The following DYSF variants were observed in gnomAD, a reference collection of about 807,000 sequenced individuals.
DYSF encodes dysferlin.
A neutral mutation model predicts 274.9 loss-of-function variants in DYSF; 212 were observed. The ratio of observed to expected loss-of-function variants is 0.77; its 90% CI spans 0.69 to 0.86. The LOEUF (loss-of-function observed/expected upper bound fraction) is 0.86. DYSF is among the 40% of genes least tolerant of loss of function. DYSF has a pLI of 0.00. For missense variants in DYSF, 2,666 were observed against 2,783.2 expected, an observed-to-expected ratio of 0.96 and a Z score of 0.95; for synonymous variants, 1,091 against 1,078.7, an observed-to-expected ratio of 1.01 and a Z score of -0.22.
At chr2:71,668,415 G>A (rs1177162292) in intron 48 of DYSF, among the ~76,000 whole-genome samples, 1 of 152,148 alleles carries the variant, frequency 6.6e-6, no homozygotes, top group African/African-American at 2.4e-5. Flanking sequence ...TCCTGCCATG[G>A]AAGCCTTCTG....
In DYSF at chr2:71,556,049, G is replaced by A. The variant is rs773783407; in HGVS notation, c.2194G>A (p.Asp732Asn). Residue 732 changes from aspartate (D) to asparagine (N), a missense_variant, in exon 22 of 56, where the codon GAT becomes AAT. By Grantham distance (23) the Asp-to-Asn change is conservative. Transcript: ENST00000410020. ...GGACTCGCTGGTGGCTCAGCTGACG[G>A]ATGAGCTCATCGCAGGCTGCAGGTA... ...DVDSLVAQLT[D>N]ELIAGCSQPL... is the part of the protein sequence containing the mutation. 10 of 1,575,996 alleles carry A rather than the reference G, an allele frequency of 6.3e-6. No individual in the cohort carries two copies. The East Asian group carries it at 2.1e-4, about 33-fold the overall frequency.
chr2:71,484,545 T>C (rs1410990168), intron 3 of DYSF, among the ~76,000 whole-genome samples: 1 of 152,208 alleles, frequency 6.6e-6, no homozygotes, highest in Non-Finnish European at 1.5e-5. Context: ...TTAGTTGTTT[T>C]AAAATATACA....
chr2:71,669,103 T>C lies in DYSF; in HGVS notation c.5547-9T>C, dbSNP rs1440776017. ...AATCTAGGTGGATTAGAGTGATACC[T>C]TTCCCCAGGTTTTTCCTGCGTTGTA... is the stretch of plus-strand genomic sequence containing the variant. On this transcript the variant is annotated splice_polypyrimidine_tract_variant and intron_variant, in intron 49 of 55. Transcript: ENST00000410020. 1 of 1,585,854 alleles carries C rather than the reference T, an allele frequency of 6.3e-7. No individual in the cohort carries two copies. The highest frequency in any genetic ancestry group is 8.6e-7 in the Non-Finnish European group (1 of 1,164,430).
chr2:71,482,777 C>T (rs1406981479), intron 3 of DYSF, among the ~76,000 whole-genome samples: 1 of 152,072 alleles, frequency 6.6e-6, no homozygotes, highest in Admixed American at 6.5e-5. Flanking sequence ...TCCGGTTGTC[C>T]CTGCTGGGCA....
chr2:71,506,241 GCC>G (rs1411467124), intron 4 of DYSF, among the ~76,000 whole-genome samples: 2 of 152,188 alleles, frequency 1.3e-5, no homozygotes, highest in Non-Finnish European at 2.9e-5. Flanking sequence ...GGACCCCAGA[GCC>G]TGACCACATA....
intron 4 of DYSF, among the ~76,000 whole-genome samples, chr2:71,504,445 C>T (rs562652175): frequency 1.4e-4 from 21 of 152,298 alleles, no homozygotes; most frequent in African/African-American, 5.1e-4. Context: ...GCAGTATTCA[C>T]TGAGCCTGTC....
chr2:71,520,330 C>A, intron 11 of DYSF, 122 bp downstream of exon 11: 2 of 1,125,720 alleles, frequency 1.8e-6, no homozygotes, highest in Non-Finnish European at 1.4e-6. Context: ...AGGGTTTGAT[C>A]TTGGGAGAGA....
At chr2:71,483,544 C>T (rs1266283940) in intron 3 of DYSF, among the ~76,000 whole-genome samples, 5 of 152,128 alleles carry the variant, frequency 3.3e-5, no homozygotes, top group South Asian at 2.1e-4. Flanking sequence ...TCTCACGACA[C>T]GTGCGGCCCT....
chr2:71,563,530 T>A (rs1047403954), intron 23 of DYSF, among the ~76,000 whole-genome samples: 17 of 152,162 alleles, frequency 1.1e-4, no homozygotes, highest in Non-Finnish European at 1.8e-4. Flanking sequence ...TAGTCACCAT[T>A]TTCAGAGTCC....
Position 71,568,185 on chromosome 2 carries a change from C to G in DYSF, c.2711C>G (p.Thr904Ser), listed in dbSNP as rs372306918. 5 of 1,614,136 alleles carry G rather than the reference C, an allele frequency of 3.1e-6. No homozygotes were observed. The highest frequency in any genetic ancestry group is 3.4e-6 in the Non-Finnish European group (4 of 1,180,058). The change falls in exon 26 of 56, where the codon ACT becomes AGT. Residue 904 changes from threonine to serine, a missense_variant. This residue lies in a region of DYSF where 412 missense variants were observed against 504.0 expected (regional missense o/e 0.82). Coordinates refer to ENST00000410020, the MANE Select transcript of DYSF (RefSeq NM_001130987.2). ...SVFAETYENETKLALVGNWGT... is the reference protein window; with the variant it reads ...SVFAETYENESKLALVGNWGT... ...CTGGCCCTCCAGTATGAGAACGAGACTAAGTTGGCCCTTGTTGGGAACTGG... is the reference window on the plus strand; with the variant it reads ...CTGGCCCTCCAGTATGAGAACGAGAGTAAGTTGGCCCTTGTTGGGAACTGG...
chr2:71,636,646 G>A (rs1176845134), intron 41 of DYSF, among the ~76,000 whole-genome samples: 1 of 152,152 alleles, frequency 6.6e-6, no homozygotes, highest in Non-Finnish European at 1.5e-5. Context: ...TGTCACATGG[G>A]CAGCTGGAGT....
chr2:71,585,466 G>C (rs990624943), intron 30 of DYSF, among the ~76,000 whole-genome samples: 1 of 152,174 alleles, frequency 6.6e-6, no homozygotes, highest in Admixed American at 6.5e-5. Flanking sequence ...TGACGGGAGG[G>C]AGATGCTTCC....
Position 71,664,299 on chromosome 2 carries a change from G to A in DYSF, c.5035G>A (p.Glu1679Lys). 1 of 1,614,164 alleles carries A rather than the reference G, an allele frequency of 6.2e-7. No individual in the cohort carries two copies. Among genetic ancestry groups the A allele is most frequent in the Non-Finnish European group, 8.5e-7 (1 of 1,180,024 alleles). Residue 1679 changes from glutamate (E) to lysine (K), a missense_variant, in exon 46 of 56, where the codon GAG becomes AAG. Glu to Lys is a moderately conservative substitution (Grantham distance 56). This residue lies in a region of DYSF where 1,460 missense variants were observed against 1,502.1 expected (regional missense o/e 0.97). Coordinates refer to ENST00000410020, the MANE Select transcript of DYSF (RefSeq NM_001130987.2). ...CGAGCTGACCTGCACTCTGCCTCTG[G>A]AGAAGGACCTAAAGATCACTCTCTA... ...MFELTCTLPL[E>K]KDLKITLYDY...
At chr2:71,642,306 T>C (rs1382270741) in intron 41 of DYSF, among the ~76,000 whole-genome samples, 2 of 152,150 alleles carry the variant, frequency 1.3e-5, no homozygotes, top group Non-Finnish European at 2.9e-5. Flanking sequence ...GTATGTGCAG[T>C]TGTGTGTTTC....
intron 3 of DYSF, among the ~76,000 whole-genome samples, chr2:71,489,827 G>C (rs2083675895): frequency 6.6e-6 from 1 of 152,200 alleles, no homozygotes; most frequent in Non-Finnish European, 1.5e-5. Context: ...GCTTTGCTCA[G>C]GGACCCCACT....
intron 1 of DYSF, among the ~76,000 whole-genome samples, chr2:71,460,803 GA>G (rs2081250921): frequency 6.6e-6 from 1 of 151,988 alleles, no homozygotes; most frequent in Non-Finnish European, 1.5e-5. Flanking sequence ...AAGTCCCTTG[GA>G]ATGTTCCTAT....
At position 71,676,655 on chromosome 2, in the gene DYSF, TACTG is replaced by T. The variant is rs200726842; in HGVS notation, c.5884+2365_5884+2368del. ...AACAAAAAAAAAACCCTGTGTTTTT[TACTG>T]ACTGAGTAAATCATGTTCAAAGTAA... On this transcript the variant is annotated intron_variant, in intron 52 of 55. Transcript: ENST00000410020. Among the ~76,000 whole-genome samples the T allele has an allele frequency of 6.0e-3, 912 of 152,266 alleles. 10 individuals carry two copies. Among genetic ancestry groups the T allele is most frequent in the African/African-American group, 0.021 (871 of 41,556 alleles).
intron 17 of DYSF, among the ~76,000 whole-genome samples, chr2:71,546,339 G>C (rs2090472343): frequency 6.6e-6 from 1 of 152,214 alleles, no homozygotes; most frequent in Non-Finnish European, 1.5e-5. Flanking sequence ...AAACTGAACT[G>C]TAAAAACAAG....
intron 30 of DYSF, among the ~76,000 whole-genome samples, chr2:71,589,033 G>A (rs895032512): frequency 4.1e-4 from 63 of 152,282 alleles, no homozygotes; most frequent in African/African-American, 1.5e-3. Context: ...CAGACAGCTT[G>A]GCTTCCGAGC....
Sources: allele counts gnomAD v4.1 joint callset (sites outside exome capture counted in the v4.1 genomes callset), GRCh38; gene constraint gnomAD v4.1.1; regional missense constraint gnomAD v4.1.1; transcripts MANE v1.5; gene names NCBI Gene and HGNC (gene_info 2026-07-23, HGNC 2026-07-21).